MAMDC2: variants seen among roughly 807,000 people sequenced by gnomAD.
MAMDC2 encodes the protein MAM domain-containing protein 2.
A neutral mutation model predicts 89.8 loss-of-function variants in MAMDC2; 57 were observed. The observed-to-expected ratio is 0.63, with a 90% CI of 0.51 to 0.79. The LOEUF is 0.79. Ranked by LOEUF, MAMDC2 falls within the 30% of genes least tolerant of loss-of-function variation. The pLI is 0.00. For synonymous variants in MAMDC2, 313 were observed against 293.4 expected (o/e 1.07, Z -0.68); for missense variants, 800 against 820.6 (o/e 0.97, Z 0.31).
At chr9:70,054,132 G>A (rs571475683) in intron 2 of MAMDC2, among the ~76,000 whole-genome samples, 161 of 152,262 alleles carry the variant, frequency 1.1e-3, no homozygotes, top group African/African-American at 3.6e-3. Context: ...CATCCAAGTG[G>A]AGACTTCGAG....
Position 70,143,805 on chromosome 9 carries a change from C to A in MAMDC2, c.1390C>A (p.Pro464Thr). Residue 464 changes from proline (P) to threonine (T), a missense_variant, in exon 9 of 14, where the codon CCC becomes ACC. Physicochemically the swap from Pro to Thr is conservative, Grantham distance 38. Coordinates refer to ENST00000377182, the MANE Select transcript of MAMDC2 (RefSeq NM_153267.5). ...GCAAGCTGAAATCACCTTTAAGAAG[C>A]CCATGCCTACCAAGGTACAGCAGAG... ...WMQAEITFKK[P>T]MPTKVVFMSL... is the part of the protein sequence containing the mutation. 1 of 1,613,948 alleles carries A rather than the reference C, an allele frequency of 6.2e-7. No homozygotes were observed. The highest frequency in any genetic ancestry group is 8.5e-7 in the Non-Finnish European group (1 of 1,179,854).
At chr9:70,116,940 C>T (rs1292405332) in intron 5 of MAMDC2, among the ~76,000 whole-genome samples, 1 of 152,120 alleles carries the variant, frequency 6.6e-6, no homozygotes, top group Non-Finnish European at 1.5e-5. Flanking sequence ...CTTGGCTATT[C>T]TAGAATACTT....
intron 2 of MAMDC2, among the ~76,000 whole-genome samples, chr9:70,078,255 C>T (rs1827579787): frequency 1.3e-5 from 2 of 152,134 alleles, no homozygotes; most frequent in South Asian, 2.1e-4. Context: ...CTGATAACTC[C>T]CTCTTACCCC....
At chr9:70,100,756 G>C (rs968674229) in intron 2 of MAMDC2, among the ~76,000 whole-genome samples, 4 of 152,202 alleles carry the variant, frequency 2.6e-5, no homozygotes, top group African/African-American at 9.7e-5. Flanking sequence ...TAACGTCAAA[G>C]GGCCAATTAA....
At chr9:70,062,090 G>A (rs1252127916) in intron 2 of MAMDC2, among the ~76,000 whole-genome samples, 1 of 152,154 alleles carries the variant, frequency 6.6e-6, no homozygotes, top group Non-Finnish European at 1.5e-5. Context: ...TTTCTTAACA[G>A]AAGTTTAAAT....
intron 11 of MAMDC2, among the ~76,000 whole-genome samples, chr9:70,213,868 C>T (rs550449501): frequency 6.4e-4 from 97 of 152,242 alleles, no homozygotes; most frequent in African/African-American, 2.3e-3. Flanking sequence ...TCTAGTTTGC[C>T]TTGGATCATC....
At chr9:70,122,028 C>A (rs2030308139) in intron 5 of MAMDC2, among the ~76,000 whole-genome samples, 2 of 152,310 alleles carry the variant, frequency 1.3e-5, no homozygotes, top group South Asian at 4.1e-4. Context: ...TCTGAATCAC[C>A]CCTAACAGTT....
intron 9 of MAMDC2, 112 bp downstream of exon 9, chr9:70,143,931 C>CG: frequency 3.1e-6 from 4 of 1,309,286 alleles, no homozygotes; most frequent in Non-Finnish European, 4.3e-6. Flanking sequence ...CTGTTCAGGC[C>CG]TACGGCCTCA....
chr9:70,213,142 G>A (rs2033387847), intron 11 of MAMDC2, among the ~76,000 whole-genome samples: 1 of 152,274 alleles, frequency 6.6e-6, no homozygotes, highest in African/African-American at 2.4e-5. Context: ...TTACCAGTAG[G>A]AATGCACAGC....
In MAMDC2 at chr9:70,113,116, C is replaced by T; in HGVS notation, c.627C>T (p.Thr209=). 1 of 1,614,024 alleles carries T rather than the reference C, an allele frequency of 6.2e-7. No individual in the cohort carries two copies. Among genetic ancestry groups the T allele is most frequent in the Non-Finnish European group, 8.5e-7 (1 of 1,179,964 alleles). The change falls in exon 5 of 14, where the codon ACC becomes ACT. Residue 209 remains threonine (T), a synonymous_variant. Transcript: ENST00000377182. ...ACTCCATTCTCCCACAGGATCACAC[C>T]TTCAAGAGTGAACTGGGTGAGCTGG... ...NVHSILPQDH[T]FKSELGHYMY...
At chr9:70,077,505 T>G (rs1341747376) in intron 2 of MAMDC2, among the ~76,000 whole-genome samples, 1 of 152,240 alleles carries the variant, frequency 6.6e-6, no homozygotes, top group East Asian at 1.9e-4. Flanking sequence ...ACAAAATGTT[T>G]AATTTTATTT....
chr9:70,164,659 G>C (rs75053718), intron 9 of MAMDC2, among the ~76,000 whole-genome samples: 149 of 151,676 alleles, frequency 9.8e-4, no homozygotes, highest in African/African-American at 3.4e-3. Context: ...TTAATTAATT[G>C]TTTTTGAGAG....
intron 12 of MAMDC2, among the ~76,000 whole-genome samples, chr9:70,221,733 GTGTA>G (rs2033570472): frequency 6.6e-6 from 1 of 151,978 alleles, no homozygotes; most frequent in South Asian, 2.1e-4. Context: ...GTGTGTGTGT[GTGTA>G]TATCACATTG....
At chr9:70,142,254 C>T (rs929419172) in intron 8 of MAMDC2, among the ~76,000 whole-genome samples, 3 of 151,894 alleles carry the variant, frequency 2.0e-5, no homozygotes, top group African/African-American at 4.8e-5. Context: ...GTGAAGGCCT[C>T]GAATTTGGAA....
intron 2 of MAMDC2, among the ~76,000 whole-genome samples, chr9:70,085,207 C>T (rs140719714): frequency 2.8e-4 from 43 of 152,044 alleles, no homozygotes; most frequent in Admixed American, 8.5e-4. Flanking sequence ...TTTGGGAAGA[C>T]GATAACTCTC....
At chr9:70,069,979 C>G (rs1314204912) in intron 2 of MAMDC2, among the ~76,000 whole-genome samples, 3 of 152,144 alleles carry the variant, frequency 2.0e-5, no homozygotes, top group African/African-American at 7.2e-5. Context: ...CTCCAAGATC[C>G]CACTCAGGGG....
chr9:70,169,598 T>C (rs950373892), intron 10 of MAMDC2: 7 of 152,098 alleles, frequency 4.6e-5, no homozygotes, highest in African/African-American at 1.4e-4. Context: ...ACCAGTACTG[T>C]GTGTAAAATA....
rs191456727 is a variant in MAMDC2, at chr9:70,183,674, T to C, written c.1651+13043T>C. Among the ~76,000 whole-genome samples the C allele has an allele frequency of 1.1e-4, 16 of 152,212 alleles. No homozygotes were observed. In the East Asian group the frequency reaches 2.9e-3, roughly 28 times the overall value. ...AGAGACTAGGATTGCAACCCTTGCT[T>C]TTTTTTTCTCTTTGCATTTGCTTGG... is the stretch of plus-strand genomic sequence containing the variant. On this transcript the variant is annotated intron_variant, in intron 11 of 13. Transcript: ENST00000377182.
chr9:70,185,128 A>G (rs1254948349), intron 11 of MAMDC2, among the ~76,000 whole-genome samples: 1 of 152,220 alleles, frequency 6.6e-6, no homozygotes, highest in Non-Finnish European at 1.5e-5. Flanking sequence ...TTCTTCTAAC[A>G]GTCAGGCCCC....
Sources: allele counts gnomAD v4.1 joint callset (sites outside exome capture counted in the v4.1 genomes callset), GRCh38; gene constraint gnomAD v4.1.1; transcripts MANE v1.5; gene names NCBI Gene and HGNC (gene_info 2026-07-23, HGNC 2026-07-21).